Variants in UGGT1 observed in about 807,000 individuals in gnomAD.
UGGT1 encodes the protein UDP-glucose:glycoprotein glucosyltransferase 1.
A neutral mutation model predicts 203.9 loss-of-function variants in UGGT1; 107 were observed. The observed-to-expected ratio is 0.52, with a 90% CI of 0.45 to 0.62. The LOEUF (loss-of-function observed/expected upper bound fraction) is 0.62, where lower values mean the gene tolerates loss of function less well. Ranked by LOEUF, UGGT1 falls within the 20% of genes least tolerant of loss-of-function variation. The pLI, the probability that UGGT1 is intolerant of heterozygous loss-of-function variation, is 0.00. For synonymous variants in UGGT1, 628 were observed against 653.5 expected, an observed-to-expected ratio of 0.96 and a Z score of 0.59; for missense variants, 1,673 against 1,867.2, an observed-to-expected ratio of 0.90 and a Z score of 1.92.
At chr2:128,091,627 C>G (rs1686869870) in intron 1 of UGGT1, 2 of 1,427,696 alleles carry the variant, frequency 1.4e-6, no homozygotes, top group African/African-American at 1.5e-5. Flanking sequence ...GCGGCGGGCT[C>G]TGTTCAGCGG....
intron 26 of UGGT1, 31 bp downstream of exon 26, chr2:128,164,856 T>C (rs770955392): frequency 1.3e-6 from 2 of 1,517,276 alleles, no homozygotes; most frequent in East Asian, 2.3e-5. Flanking sequence ...TTGTGCATAT[T>C]CTTGAATATT....
At chr2:128,106,616 G>A (rs1687615071) in intron 3 of UGGT1, among the ~76,000 whole-genome samples, 2 of 152,068 alleles carry the variant, frequency 1.3e-5, no homozygotes, top group Admixed American at 1.3e-4. Context: ...GCTCAGGCTG[G>A]AGTGCAGTGG....
intron 15 of UGGT1, 72 bp downstream of exon 15, chr2:128,135,033 C>A (rs1052343274): frequency 3.9e-6 from 5 of 1,279,404 alleles, no homozygotes; most frequent in African/African-American, 1.5e-5. Context: ...AAATGCAAGT[C>A]TGGTGCTACT....
At chr2:128,143,058 A>C (rs1439864744) in intron 16 of UGGT1, 36 bp from the exon 17 acceptor site, 5 of 1,544,626 alleles carry the variant, frequency 3.2e-6, no homozygotes, top group Non-Finnish European at 4.4e-6. Flanking sequence ...TTTGAACTTA[A>C]AAGTGTAGTT....
At chr2:128,146,129 C>T (rs1394631081) in intron 18 of UGGT1, among the ~76,000 whole-genome samples, 162 bp downstream of exon 18, 2 of 151,972 alleles carry the variant, frequency 1.3e-5, no homozygotes, top group Non-Finnish European at 2.9e-5. Flanking sequence ...GGCAATATGG[C>T]AAGACCCCAT....
At chr2:128,169,070 A>C (rs1185518497) in intron 26 of UGGT1, among the ~76,000 whole-genome samples, 8 of 96,586 alleles carry the variant, frequency 8.3e-5, no homozygotes, top group East Asian at 3.1e-4. Flanking sequence ...AAAAAAAAAA[A>C]AAAAAAAAAA....
At position 128,127,456 on chromosome 2, in the gene UGGT1, T is replaced by C; in HGVS notation, c.1226+4T>C. 2 of 1,600,548 alleles carry C rather than the reference T, an allele frequency of 1.2e-6. No homozygotes were observed. Among genetic ancestry groups the C allele is most frequent in the African/African-American group, 1.3e-5 (1 of 74,652 alleles). ...TAGATACACAGGATATATTCAGGTA[T>C]GGATAATATTTTTCATTCTCTGAAA... On this transcript the variant is annotated splice_donor_region_variant and intron_variant, in intron 12 of 40. Transcript: ENST00000259253.
In UGGT1 at chr2:128,152,829, C is replaced by A. The variant is rs770823209; in HGVS notation, c.2062C>A (p.Gln688Lys). The A allele has an allele frequency of 6.2e-7, 1 of 1,613,716 alleles. No homozygotes were observed. Among genetic ancestry groups the A allele is most frequent in the South Asian group, 1.1e-5 (1 of 90,982 alleles). The part of the protein sequence containing the change: ...DQDVVEYIMN[Q>K]PNVVPRINSR... ...AGATGTGGTAGAGTATATCATGAAT[C>A]AGCCAAATGTTGTTCCACGAATCAA... The change falls in exon 19 of 41, where the codon CAG (glutamine) becomes AAG (lysine). Residue 688 changes from glutamine (Q) to lysine (K), a missense_variant. By Grantham distance (53) the Gln-to-Lys change is moderately conservative. This residue lies in a region of UGGT1 where 1,073 missense variants were observed against 1,078.7 expected (regional missense o/e 0.99). Coordinates refer to ENST00000259253, the MANE Select transcript of UGGT1 (RefSeq NM_020120.4).
At chr2:128,176,741 C>G (rs1691415299) in intron 31 of UGGT1, 73 bp from the exon 32 acceptor site, 2 of 1,380,462 alleles carry the variant, frequency 1.4e-6, no homozygotes, top group Non-Finnish European at 2.0e-6. Flanking sequence ...ATGATGGACT[C>G]AGATGCTCTG....
At chr2:128,126,660 G>T (rs1351251681) in intron 11 of UGGT1, among the ~76,000 whole-genome samples, 2 of 147,668 alleles carry the variant, frequency 1.4e-5, no homozygotes, top group Non-Finnish European at 3.0e-5. Flanking sequence ...AAATAGATAT[G>T]CTATTCACCA....
chr2:128,129,002 A>T, intron 12 of UGGT1, 27 bp from the exon 13 acceptor site: 1 of 1,505,876 alleles, frequency 6.6e-7, no homozygotes. Context: ...TTTCCTAGTA[A>T]ATATCTCTTT....
At chr2:128,187,400 A>T (rs1172469760) in intron 39 of UGGT1, 49 bp from the exon 40 acceptor site, 2 of 1,585,460 alleles carry the variant, frequency 1.3e-6, no homozygotes, top group African/African-American at 2.7e-5. Flanking sequence ...ATTCTCTATC[A>T]TGTGGCCTTT....
intron 40 of UGGT1, among the ~76,000 whole-genome samples, 157 bp downstream of exon 40, chr2:128,187,771 T>A (rs978099339): frequency 5.9e-5 from 9 of 152,166 alleles, no homozygotes; most frequent in Middle Eastern, 3.4e-3. Context: ...ATTTTCCTTT[T>A]ATGTTGGTCT....
intron 18 of UGGT1, among the ~76,000 whole-genome samples, chr2:128,148,677 A>G (rs151002947): frequency 0.013 from 1,919 of 152,288 alleles, 43 homozygotes; most frequent in African/African-American, 0.044. Context: ...ACCCCTGGGC[A>G]TGGTGCTTAT....
At chr2:128,129,005 A>G in intron 12 of UGGT1, 24 bp from the exon 13 acceptor site, 2 of 1,506,298 alleles carry the variant, frequency 1.3e-6, no homozygotes, top group Non-Finnish European at 1.8e-6. Context: ...CCTAGTAAAT[A>G]TCTCTTTTTG....
intron 17 of UGGT1, among the ~76,000 whole-genome samples, chr2:128,144,823 C>A (rs1254262268): frequency 6.6e-6 from 1 of 152,108 alleles, no homozygotes; most frequent in Admixed American, 6.5e-5. Context: ...CTGGTGCTAT[C>A]TAAAATGGTT....
intron 18 of UGGT1, among the ~76,000 whole-genome samples, chr2:128,150,721 G>A (rs1216131650): frequency 1.3e-5 from 2 of 148,396 alleles, no homozygotes; most frequent in Admixed American, 1.4e-4. Context: ...CAGGCTTCAG[G>A]ACAACACTTC....
intron 16 of UGGT1, among the ~76,000 whole-genome samples, chr2:128,142,257 A>G (rs746747824): frequency 6.6e-6 from 1 of 151,434 alleles, no homozygotes; most frequent in Admixed American, 6.6e-5. Context: ...ATTTTTCTTA[A>G]CTAATATATT....
At position 128,113,215 on chromosome 2, in the gene UGGT1, G is replaced by A. The variant is rs540119468; in HGVS notation, c.653G>A (p.Ser218Asn). ...TTTCACCGCCAGCTTATATCAAAAA[G>A]CAATGCAGGCAAAATCAATTATGTA... The part of the protein sequence containing the change: ...SNFHRQLISK[S>N]NAGKINYVFR... The change falls in exon 6 of 41, where the codon AGC becomes AAC. Residue 218 changes from serine (S) to asparagine (N), a missense_variant. Ser to Asn is a conservative substitution (Grantham distance 46, BLOSUM62 1). This residue lies in a region of UGGT1 where 1,073 missense variants were observed against 1,078.7 expected (regional missense o/e 0.99). Transcript: ENST00000259253. The A allele has an allele frequency of 3.5e-4, 557 of 1,612,368 alleles. 8 individuals are homozygous for A. In the South Asian group the frequency reaches 5.8e-3, roughly 17 times the overall value.
Sources: gnomAD v4.1 joint callset for allele counts (sites outside exome capture counted in the v4.1 genomes callset) on GRCh38, gnomAD v4.1.1 for gene constraint, gnomAD v4.1.1 regional missense constraint, MANE v1.5 for transcripts, NCBI Gene and HGNC (gene_info 2026-07-23, HGNC 2026-07-21) for gene names.